The following DCP1A variants were observed in gnomAD, a reference collection of about 807,000 sequenced individuals.
DCP1A encodes mRNA-decapping enzyme 1A.
DCP1A carries 20 observed loss-of-function variants against 58.0 expected under a neutral mutation model. The ratio of observed to expected loss-of-function variants is 0.34; its 90% CI spans 0.24 to 0.50. DCP1A has a LOEUF of 0.50. DCP1A is among the 20% of genes least tolerant of loss of function. The pLI is 0.98. For missense variants in DCP1A, 613 were observed against 712.2 expected (o/e 0.86, Z 1.59); for synonymous variants, 285 against 275.1 (o/e 1.04, Z -0.36).
chr3:53,298,405 G>A (rs797037083), intron 6 of DCP1A, among the ~76,000 whole-genome samples: 9 of 152,256 alleles, frequency 5.9e-5, no homozygotes, highest in African/African-American at 2.2e-4. Context: ...TACAGTTTTG[G>A]AGGTTTTCTC....
chr3:53,320,129 A>AC (rs1707920730), intron 3 of DCP1A, among the ~76,000 whole-genome samples: 1 of 151,048 alleles, frequency 6.6e-6, no homozygotes, highest in Non-Finnish European at 1.5e-5. Context: ...CTCCATCTAA[A>AC]AAAAAAAAAA....
chr3:53,305,345 AT>A (rs756153127), intron 5 of DCP1A, among the ~76,000 whole-genome samples: 22 of 66,988 alleles, frequency 3.3e-4, no homozygotes, highest in African/African-American at 7.3e-4. Flanking sequence ...GTGGACAAAA[AT>A]TTTTTTTTCT....
At position 53,287,609 on chromosome 3, in the gene DCP1A, T is replaced by C. The variant is rs1323367547; in HGVS notation, c.1720A>G (p.Thr574Ala). 1 of 1,612,124 alleles carries C rather than the reference T, an allele frequency of 6.2e-7. No individual in the cohort carries two copies. The highest frequency in any genetic ancestry group is 1.3e-5 in the African/African-American group (1 of 74,834). The part of the protein sequence containing the change: ...TLHEVYLQVL[T>A]KNKDNHNL ...AGGTTGTGGTTGTCTTTGTTCTTGGTCAGAACCTGCAAGTAGACTTCATGA... is the reference window on the plus strand; with the variant it reads ...AGGTTGTGGTTGTCTTTGTTCTTGGCCAGAACCTGCAAGTAGACTTCATGA... Residue 574 changes from threonine (T) to alanine (A), a missense_variant, in exon 10 of 10, where the codon ACC becomes GCC. This residue lies in a region of DCP1A where 498 missense variants were observed against 556.7 expected (regional missense o/e 0.89). Coordinates refer to ENST00000610213, the MANE Select transcript of DCP1A (RefSeq NM_018403.7).
At chr3:53,346,658 C>T (rs1575628181) in intron 1 of DCP1A, among the ~76,000 whole-genome samples, 1 of 152,158 alleles carries the variant, frequency 6.6e-6, no homozygotes, top group Non-Finnish European at 1.5e-5. Flanking sequence ...GGACCCTCCC[C>T]AGTGCACGAA....
intron 7 of DCP1A, among the ~76,000 whole-genome samples, chr3:53,291,849 T>A (rs1329592431): frequency 6.6e-6 from 1 of 152,096 alleles, no homozygotes; most frequent in African/African-American, 2.4e-5. Flanking sequence ...AAAACAAACA[T>A]ACAACCCCCA....
intron 5 of DCP1A, among the ~76,000 whole-genome samples, chr3:53,304,538 A>G (rs1330702142): frequency 1.3e-5 from 2 of 152,204 alleles, no homozygotes; most frequent in African/African-American, 4.8e-5. Flanking sequence ...TAAGAAAAAG[A>G]TAATGGTATT....
intron 6 of DCP1A, among the ~76,000 whole-genome samples, chr3:53,299,126 T>C (rs781935105): frequency 6.6e-6 from 1 of 152,242 alleles, no homozygotes; most frequent in African/African-American, 2.4e-5. Flanking sequence ...CACATGATTA[T>C]ACCTAACTGG....
intron 4 of DCP1A, among the ~76,000 whole-genome samples, chr3:53,317,723 T>C (rs1028216137): frequency 1.6e-4 from 25 of 152,220 alleles, no homozygotes; most frequent in Admixed American, 1.2e-3. Flanking sequence ...AAAATAGTTT[T>C]ATCTTTTTTA....
At position 53,285,148 on chromosome 3, in the gene DCP1A, G is replaced by A. The variant is rs1015334275; in HGVS notation, c.*2432C>T. On this transcript the variant is annotated 3_prime_UTR_variant, in exon 10 of 10. Coordinates refer to ENST00000610213, the MANE Select transcript of DCP1A (RefSeq NM_018403.7). ...GGGGGTGGGCACACAAATGGACAGA[G>A]TGGTCTAAATGCAGGTCTCCTGGGG... The A allele has an allele frequency of 6.6e-6, 1 of 152,156 alleles. No homozygotes were observed. Among genetic ancestry groups the A allele is most frequent in the African/African-American group, 2.4e-5 (1 of 41,404 alleles). 9.4% of individuals were successfully genotyped at this position (152,156 alleles called of 1,614,324 possible). A position where few individuals can be genotyped will look rare whatever the true frequency, so the allele number is the denominator to read the frequency against.
chr3:53,333,508 C>T (rs2089054270), intron 3 of DCP1A, among the ~76,000 whole-genome samples: 1 of 152,050 alleles, frequency 6.6e-6, no homozygotes, highest in Non-Finnish European at 1.5e-5. Flanking sequence ...TATCCAATAA[C>T]TTTTATTGTC....
chr3:53,305,117 A>G (rs782742011), intron 5 of DCP1A, among the ~76,000 whole-genome samples: 4 of 152,160 alleles, frequency 2.6e-5, no homozygotes, highest in Non-Finnish European at 5.9e-5. Context: ...AATGAAATAT[A>G]AGTAGAATGC....
chr3:53,303,259 T>C (rs76121543), intron 6 of DCP1A, among the ~76,000 whole-genome samples: 1,567 of 151,506 alleles, frequency 0.01, 21 homozygotes, highest in African/African-American at 0.036. Context: ...CCAAGGGGTG[T>C]TACTGTTATT....
intron 6 of DCP1A, among the ~76,000 whole-genome samples, chr3:53,296,493 C>A (rs565821963): frequency 1.6e-4 from 24 of 152,344 alleles, no homozygotes; most frequent in Middle Eastern, 3.4e-3. Flanking sequence ...ATTTACTACA[C>A]TGAACACTGT....
rs367934700 is a variant in DCP1A at position 53,292,614 on chromosome 3, C to A, written c.838G>T (p.Ala280Ser). The A allele has an allele frequency of 1.2e-6, 2 of 1,613,722 alleles. No individual in the cohort carries two copies. Among genetic ancestry groups the A allele is most frequent in the African/African-American group, 2.7e-5 (2 of 75,016 alleles). The change falls in exon 7 of 10, where the codon GCC becomes TCC. Residue 280 changes from alanine to serine, a missense_variant. By Grantham distance (99) the Ala-to-Ser change is moderately conservative (BLOSUM62 1). Around this residue, in one of 3 missense-constraint regions of DCP1A, gnomAD observed 498 missense variants for 556.7 expected, o/e 0.89. Transcript: ENST00000610213. ...ATTTCAGGCTGGACTGAATGGTGGG[C>A]AGCAGAAGGGACACCCAGGGTTTCT... The part of the protein sequence containing the change: ...QSETLGVPSA[A>S]HHSVQPEITT...
chr3:53,344,845 T>C, intron 2 of DCP1A, 57 bp downstream of exon 2: 1 of 1,309,684 alleles, frequency 7.6e-7, no homozygotes, highest in South Asian at 1.2e-5. Flanking sequence ...ATTGAACCGT[T>C]TCACATTGTT....
At chr3:53,304,409 A>C (rs1553687762) in intron 5 of DCP1A, 119 bp from the exon 6 acceptor site, 2 of 677,486 alleles carry the variant, frequency 3.0e-6, no homozygotes, top group African/African-American at 3.6e-5. Context: ...AAGAAAAACC[A>C]ACCTCAAAAT....
chr3:53,344,813 C>G, intron 2 of DCP1A, 89 bp downstream of exon 2: 1 of 1,021,486 alleles, frequency 9.8e-7, no homozygotes, highest in Non-Finnish European at 1.5e-6. Context: ...CAGGACGGTT[C>G]CAAAGACAAA....
At chr3:53,326,493 T>C (rs1708106252) in intron 3 of DCP1A, among the ~76,000 whole-genome samples, 1 of 152,216 alleles carries the variant, frequency 6.6e-6, no homozygotes, top group Admixed American at 6.5e-5. Flanking sequence ...TACTGGTCTG[T>C]GGCCTGTTAG....
At chr3:53,290,973 G>C in intron 7 of DCP1A, 117 bp from the exon 8 acceptor site, 1 of 885,814 alleles carries the variant, frequency 1.1e-6, no homozygotes, top group Non-Finnish European at 1.8e-6. Context: ...AACAGAAAAT[G>C]GTTCAGATAT....
Sources: allele counts gnomAD v4.1 joint callset (sites outside exome capture counted in the v4.1 genomes callset), GRCh38; gene constraint gnomAD v4.1.1; regional missense constraint gnomAD v4.1.1; transcripts MANE v1.5; gene names NCBI Gene and HGNC (gene_info 2026-07-23, HGNC 2026-07-21).